NUAK1: variants seen among roughly 807,000 people sequenced by gnomAD.
The protein encoded by NUAK1 is NUAK family kinase 1.
Under a neutral mutation model 56.9 loss-of-function variants are expected in NUAK1, and 26 were observed. The ratio of observed to expected loss-of-function variants is 0.46; its 90% CI spans 0.33 to 0.63. The LOEUF (loss-of-function observed/expected upper bound fraction) is 0.63, where lower values mean the gene tolerates loss of function less well. NUAK1 is among the 30% of genes least tolerant of loss of function. The probability of loss-of-function intolerance (pLI) is 0.02; values close to 1 mark genes in which losing one functional copy is unlikely to be tolerated. For synonymous variants in NUAK1, 337 were observed against 336.0 expected (o/e 1.00, Z -0.03); for missense variants, 727 against 876.1 (o/e 0.83, Z 2.15).
At chr12:106,121,522 A>G (rs764452092) in intron 1 of NUAK1, among the ~76,000 whole-genome samples, 5 of 152,180 alleles carry the variant, frequency 3.3e-5, no homozygotes, top group Non-Finnish European at 7.3e-5. Context: ...GGCCAAGGCC[A>G]GCAGATCACT....
chr12:106,130,667 C>A (rs2033069099), intron 1 of NUAK1, among the ~76,000 whole-genome samples: 1 of 152,232 alleles, frequency 6.6e-6, no homozygotes, highest in South Asian at 2.1e-4. Context: ...TGAATGGGCC[C>A]CAGCCCGCGT....
rs752380797 is a variant in NUAK1, at chr12:106,070,803, C to A, written c.803G>T (p.Gly268Val). Residue 268 changes from glycine (G) to valine (V), a missense_variant, in exon 6 of 7, where the codon GGA becomes GTA. By Grantham distance (109) the Gly-to-Val change is moderately radical (BLOSUM62 -3). Coordinates refer to ENST00000261402, the MANE Select transcript of NUAK1 (RefSeq NM_014840.3). ...GGGCTGTGTTGGCTCCCGGTACTCT[C>A]CGCTGCTGATTTGCCGAATGAGGTT... ...HKNLIRQISS[G>V]EYREPTQPSD... The A allele has an allele frequency of 6.2e-7, 1 of 1,614,206 alleles. No homozygotes were observed. The highest frequency in any genetic ancestry group is 1.1e-5 in the South Asian group (1 of 91,078).
At chr12:106,083,842 A>G (rs2032543770) in intron 4 of NUAK1, 22 bp downstream of exon 4, 7 of 1,611,466 alleles carry the variant, frequency 4.3e-6, no homozygotes, top group Middle Eastern at 1.6e-4. Flanking sequence ...CTGCATATCA[A>G]TCGACGACGC....
chr12:106,111,264 A>G (rs2032856177), intron 1 of NUAK1, among the ~76,000 whole-genome samples: 1 of 152,130 alleles, frequency 6.6e-6, no homozygotes, highest in Non-Finnish European at 1.5e-5. Flanking sequence ...ACAGCAAATC[A>G]TATCATAGGT....
intron 1 of NUAK1, among the ~76,000 whole-genome samples, chr12:106,137,079 G>A (rs2033136924): frequency 6.6e-6 from 1 of 152,006 alleles, no homozygotes; most frequent in Non-Finnish European, 1.5e-5. Context: ...TTAAAATAAC[G>A]TTATGGGACG....
intron 6 of NUAK1, 86 bp downstream of exon 6, chr12:106,070,688 A>C: frequency 6.5e-7 from 1 of 1,533,798 alleles, no homozygotes; most frequent in Non-Finnish European, 9.0e-7. Flanking sequence ...CCAGACAGAC[A>C]TACTAAAACA....
At chr12:106,081,486 G>A (rs995759582) in intron 4 of NUAK1, among the ~76,000 whole-genome samples, 1 of 152,236 alleles carries the variant, frequency 6.6e-6, no homozygotes, top group Non-Finnish European at 1.5e-5. Context: ...AAAGGTATAT[G>A]CCTAAGCCTT....
At chr12:106,105,623 A>G (rs1469449802) in intron 2 of NUAK1, 1 of 152,252 alleles carries the variant, frequency 6.6e-6, no homozygotes, top group African/African-American at 2.4e-5. Context: ...ACAAATAGAT[A>G]CAGAGAAATA....
chr12:106,082,317 T>C lies in NUAK1; in HGVS notation c.579+1547A>G, dbSNP rs746493385. ...ATCCTGCCATTACTAAGGGGCAGGG[T>C]TGAAATATCTAACTCCAAAGCCACT... On this transcript the variant is annotated intron_variant, in intron 4 of 6. Transcript: ENST00000261402. 6.6e-5 allele frequency among the ~76,000 whole-genome samples: 10 copies of C among 152,314 alleles called. No homozygotes were observed. In the Middle Eastern group the frequency reaches 0.01, roughly 155 times the overall value.
At chr12:106,124,988 C>T (rs1360485390) in intron 1 of NUAK1, among the ~76,000 whole-genome samples, 1 of 145,542 alleles carries the variant, frequency 6.9e-6, no homozygotes, top group African/African-American at 2.7e-5. Flanking sequence ...CAGAGCCAGA[C>T]TCCATCTCAA....
At position 106,072,933 on chromosome 12, in the gene NUAK1, G is replaced by A. The variant is rs986557228; in HGVS notation, c.580-90C>T. 17 of 1,468,396 alleles carry A rather than the reference G, an allele frequency of 1.2e-5. No homozygotes were observed. The African/African-American group carries it at 2.4e-4, about 20-fold the overall frequency. 91.0% of individuals were successfully genotyped at this position (1,468,396 alleles called of 1,614,324 possible). A position where few individuals can be genotyped will look rare whatever the true frequency, so the allele number is the denominator to read the frequency against. On this transcript the variant is annotated intron_variant, in intron 4 of 6. Coordinates refer to ENST00000261402, the MANE Select transcript of NUAK1 (RefSeq NM_014840.3). ...GTTCACACCACACAGCACACAGAGT[G>A]GATGAAGGGCACCTGGGTGGGTCTG...
intron 2 of NUAK1, 93 bp from the exon 3 acceptor site, chr12:106,086,978 C>T (rs1157004940): frequency 6.0e-6 from 9 of 1,492,846 alleles, no homozygotes; most frequent in African/African-American, 2.7e-5. Flanking sequence ...ACGGAGATGT[C>T]GCCAGGCAGA....
At chr12:106,071,710 G>T (rs12306141) in intron 5 of NUAK1, among the ~76,000 whole-genome samples, 19,160 of 152,154 alleles carry the variant, frequency 0.13, 1,419 homozygotes, top group Non-Finnish European at 0.16. Flanking sequence ...GGTCATCGAA[G>T]ACCAAAATAT....
chr12:106,112,468 A>C (rs2032870820), intron 1 of NUAK1, among the ~76,000 whole-genome samples: 1 of 152,120 alleles, frequency 6.6e-6, no homozygotes, highest in Non-Finnish European at 1.5e-5. Context: ...CAGGATCACC[A>C]TGTGGCTTTC....
chr12:106,089,765 G>C (rs1004310299), intron 2 of NUAK1, among the ~76,000 whole-genome samples: 4 of 152,106 alleles, frequency 2.6e-5, no homozygotes, highest in African/African-American at 4.8e-5. Flanking sequence ...CCCCAGCCTG[G>C]GCAACTGAGT....
At chr12:106,112,748 C>T in intron 1 of NUAK1, among the ~76,000 whole-genome samples, 1 of 146,584 alleles carries the variant, frequency 6.8e-6, no homozygotes, top group East Asian at 1.9e-4. Flanking sequence ...GGATTGGAAG[C>T]CAAGAGTTGT....
intron 1 of NUAK1, among the ~76,000 whole-genome samples, chr12:106,109,440 T>C (rs2032836300): frequency 6.6e-6 from 1 of 151,998 alleles, no homozygotes; most frequent in Non-Finnish European, 1.5e-5. Flanking sequence ...ACCCTTCCCA[T>C]TTTATCTTCT....
intron 2 of NUAK1, among the ~76,000 whole-genome samples, chr12:106,102,574 G>C (rs564058108): frequency 6.6e-6 from 1 of 152,310 alleles, no homozygotes; most frequent in East Asian, 1.9e-4. Flanking sequence ...ACAGATCCCT[G>C]CAGCTCATCC....
chr12:106,111,450 G>A (rs2032858754), intron 1 of NUAK1, among the ~76,000 whole-genome samples: 1 of 152,014 alleles, frequency 6.6e-6, no homozygotes. Flanking sequence ...TGGGCAGGTT[G>A]TATGTCGTCG....
Sources: gnomAD v4.1 joint callset for allele counts (sites outside exome capture counted in the v4.1 genomes callset) on GRCh38, gnomAD v4.1.1 for gene constraint, MANE v1.5 for transcripts, NCBI Gene and HGNC (gene_info 2026-07-23, HGNC 2026-07-21) for gene names.